The following SEMA5B variants were observed in gnomAD, a reference collection of about 807,000 sequenced individuals.
SEMA5B encodes semaphorin 5B.
Under a neutral mutation model 135.0 loss-of-function variants are expected in SEMA5B, and 66 were observed. That is an observed-to-expected ratio of 0.49 (90% CI 0.40 to 0.60). SEMA5B has a LOEUF of 0.60. Among genes scored for constraint, SEMA5B ranks in the 20% least tolerant of loss-of-function variants. The probability of loss-of-function intolerance (pLI) is 0.00; values close to 1 mark genes in which losing one functional copy is unlikely to be tolerated. For synonymous variants in SEMA5B, 690 were observed against 639.5 expected, an observed-to-expected ratio of 1.08 and a Z score of -1.19; for missense variants, 1,501 against 1,566.3, an observed-to-expected ratio of 0.96 and a Z score of 0.70.
intron 5 of SEMA5B, among the ~76,000 whole-genome samples, chr3:122,933,296 C>A (rs1189700907): frequency 1.3e-5 from 2 of 152,102 alleles, no homozygotes; most frequent in Admixed American, 6.5e-5. Flanking sequence ...CAAATTCTTG[C>A]ATGTCTGATT....
chr3:122,941,598 A>C (rs56310107), intron 4 of SEMA5B, among the ~76,000 whole-genome samples: 21,482 of 152,290 alleles, frequency 0.14, 1,824 homozygotes, highest in East Asian at 0.29. Flanking sequence ...TACATGCAGT[A>C]ACTGACTTAC....
At chr3:122,965,578 G>A (rs1940782849) in intron 1 of SEMA5B, among the ~76,000 whole-genome samples, 1 of 152,234 alleles carries the variant, frequency 6.6e-6, no homozygotes, top group Admixed American at 6.5e-5. Flanking sequence ...TGATGCTGTT[G>A]AGCCAGTGAG....
intron 1 of SEMA5B, among the ~76,000 whole-genome samples, chr3:122,997,055 C>T (rs1942038114): frequency 2.7e-5 from 4 of 148,768 alleles, no homozygotes; most frequent in Non-Finnish European, 5.9e-5. Flanking sequence ...CTGGCTCCAC[C>T]TTCCCTACCT....
chr3:122,981,769 C>T (rs1941528032), intron 1 of SEMA5B, among the ~76,000 whole-genome samples: 1 of 152,198 alleles, frequency 6.6e-6, no homozygotes, highest in Non-Finnish European at 1.5e-5. Flanking sequence ...GGAGGTGGCA[C>T]TTGAGATAGA....
chr3:123,026,035 T>C (rs1035263031), intron 1 of SEMA5B, among the ~76,000 whole-genome samples: 1 of 152,040 alleles, frequency 6.6e-6, no homozygotes, highest in African/African-American at 2.4e-5. Context: ...CTTAAAAAGA[T>C]GAGCTGAAGT....
chr3:122,910,049 G>A lies in SEMA5B; in HGVS notation c.*94C>T. 7.3e-7 allele frequency: 1 copy of A among 1,364,892 alleles called. No individual in the cohort carries two copies. The highest frequency in any genetic ancestry group is 1.0e-6 in the Non-Finnish European group (1 of 995,540). 84.5% of individuals were successfully genotyped at this position (1,364,892 alleles called of 1,614,324 possible). A position where few individuals can be genotyped will look rare whatever the true frequency, so the allele number is the denominator to read the frequency against. ...CAAGGCAGCAAGTTCTTGGCCTAGT[G>A]CAGAGGGAGAAAACCAAACTGGCTC... is the stretch of plus-strand genomic sequence containing the variant. On this transcript the variant is annotated 3_prime_UTR_variant, in exon 23 of 23. Transcript: ENST00000357599.
intron 22 of SEMA5B, among the ~76,000 whole-genome samples, chr3:122,910,608 G>A (rs1560272692): frequency 1.3e-5 from 2 of 152,056 alleles, no homozygotes; most frequent in Non-Finnish European, 2.9e-5. Flanking sequence ...AGGAGATCGA[G>A]ACCATCCCGG....
chr3:122,972,665 C>T lies in SEMA5B; in HGVS notation c.-38-11364G>A, dbSNP rs577150998. ...GTCGGTAAGAGCTGTTGGGATGCTGCGCTGGGTGCAGCATAGGTGACCAGC... is the reference window on the plus strand; with the variant it reads ...GTCGGTAAGAGCTGTTGGGATGCTGTGCTGGGTGCAGCATAGGTGACCAGC... On this transcript the variant is annotated intron_variant, in intron 1 of 22. Transcript: ENST00000357599. 5.3e-5 allele frequency among the ~76,000 whole-genome samples: 8 copies of T among 152,276 alleles called. No individual in the cohort carries two copies. In the East Asian group the frequency reaches 9.7e-4, roughly 18 times the overall value.
At chr3:122,942,185 C>G (rs774646965) in intron 4 of SEMA5B, among the ~76,000 whole-genome samples, 1 of 152,144 alleles carries the variant, frequency 6.6e-6, no homozygotes, top group Non-Finnish European at 1.5e-5. Context: ...CACAGCAGCC[C>G]TGTGAGACTG....
rs142915394 is a variant in SEMA5B, at chr3:123,022,444, G to A, written c.-39+5020C>T. 2.8e-3 allele frequency among the ~76,000 whole-genome samples: 424 copies of A among 152,336 alleles called. 3 individuals carry two copies. The highest frequency in any genetic ancestry group is 3.3e-3 in the Non-Finnish European group (225 of 68,038). Reference sequence around the variant, plus strand: ...AGAACAATGAGGACAGTGTCATGGCGGGATTCAGCACATACAGCATTGCCT... The same window carrying A: ...AGAACAATGAGGACAGTGTCATGGCAGGATTCAGCACATACAGCATTGCCT... On this transcript the variant is annotated intron_variant, in intron 1 of 22. Transcript: ENST00000357599.
At chr3:122,929,362 G>A (rs981968888) in intron 5 of SEMA5B, among the ~76,000 whole-genome samples, 3 of 152,192 alleles carry the variant, frequency 2.0e-5, no homozygotes, top group Non-Finnish European at 2.9e-5. Flanking sequence ...ATCTGCCCTC[G>A]GAGTCAGCCA....
At chr3:122,949,488 A>G (rs1484333554) in intron 2 of SEMA5B, among the ~76,000 whole-genome samples, 1 of 152,260 alleles carries the variant, frequency 6.6e-6, no homozygotes, top group Non-Finnish European at 1.5e-5. Flanking sequence ...GCCTAGGCCA[A>G]GCTAACTGTG....
intron 8 of SEMA5B, among the ~76,000 whole-genome samples, 193 bp from the exon 9 acceptor site, chr3:122,926,870 CAT>C (rs1938663667): frequency 6.6e-6 from 1 of 152,206 alleles, no homozygotes; most frequent in African/African-American, 2.4e-5. Context: ...TAATATTAAA[CAT>C]GTGTTACCGC....
chr3:122,957,944 C>G (rs148986824), intron 2 of SEMA5B, among the ~76,000 whole-genome samples: 1 of 152,350 alleles, frequency 6.6e-6, no homozygotes, highest in East Asian at 1.9e-4. Flanking sequence ...GGCTTCCTTA[C>G]TAGGGAGAGT....
chr3:122,962,951 C>T (rs950911493), intron 1 of SEMA5B, among the ~76,000 whole-genome samples: 16 of 152,166 alleles, frequency 1.1e-4, no homozygotes, highest in Non-Finnish European at 2.1e-4. Flanking sequence ...GCTACAGGTC[C>T]GATCTGGCCC....
At chr3:122,912,784 G>T in intron 18 of SEMA5B, 59 bp downstream of exon 18, 1 of 1,450,422 alleles carries the variant, frequency 6.9e-7, no homozygotes, top group Non-Finnish European at 9.3e-7. Flanking sequence ...GGGCGGGGAA[G>T]GGGGCCTCCA....
intron 1 of SEMA5B, among the ~76,000 whole-genome samples, chr3:123,019,147 G>A (rs766020879): frequency 1.3e-5 from 2 of 152,190 alleles, no homozygotes; most frequent in Admixed American, 6.5e-5. Flanking sequence ...CAAGCCAAGA[G>A]TTAACACCAA....
chr3:123,009,469 C>T (rs980080181), intron 1 of SEMA5B, among the ~76,000 whole-genome samples: 2 of 152,078 alleles, frequency 1.3e-5, no homozygotes, highest in Non-Finnish European at 2.9e-5. Flanking sequence ...ATCGTGCCCA[C>T]CCACCACTGT....
intron 3 of SEMA5B, among the ~76,000 whole-genome samples, chr3:122,947,654 A>T (rs772757874): frequency 3.3e-5 from 5 of 152,268 alleles, no homozygotes; most frequent in Non-Finnish European, 7.4e-5. Context: ...AGGCCTTCCC[A>T]TCTGTAAAAG....
Sources: gnomAD v4.1 joint callset for allele counts (sites outside exome capture counted in the v4.1 genomes callset) on GRCh38, gnomAD v4.1.1 for gene constraint, MANE v1.5 for transcripts, NCBI Gene and HGNC (gene_info 2026-07-23, HGNC 2026-07-21) for gene names.